RBFOX1: variants seen among roughly 807,000 people sequenced by gnomAD.
RBFOX1 encodes RNA binding fox-1 homolog 1.
In RBFOX1, 8 loss-of-function variants were observed where a neutral mutation model predicts 57.7. The ratio of observed to expected loss-of-function variants is 0.14; its 90% CI spans 0.08 to 0.25. The LOEUF (loss-of-function observed/expected upper bound fraction) is 0.25, where lower values mean the gene tolerates loss of function less well. RBFOX1 is among the 10% of genes least tolerant of loss of function. The pLI, the probability that RBFOX1 is intolerant of heterozygous loss-of-function variation, is 1.00. For synonymous variants in RBFOX1, 326 were observed against 222.4 expected, an observed-to-expected ratio of 1.47 and a Z score of -4.15; for missense variants, 611 against 548.5, an observed-to-expected ratio of 1.11 and a Z score of -1.14.
intron 2 of RBFOX1, among the ~76,000 whole-genome samples, chr16:5,508,378 C>G (rs1296292951): frequency 2.0e-5 from 3 of 152,196 alleles, no homozygotes; most frequent in Non-Finnish European, 4.4e-5. Context: ...CTTGTTGCAT[C>G]CCAGCTAGCA....
chr16:5,672,657 C>T (rs1439957120), intron 3 of RBFOX1, among the ~76,000 whole-genome samples: 2 of 152,162 alleles, frequency 1.3e-5, no homozygotes, highest in Non-Finnish European at 2.9e-5. Flanking sequence ...ACTCATCCAT[C>T]TCTGATTTTT....
intron 3 of RBFOX1, among the ~76,000 whole-genome samples, chr16:5,771,717 C>A (rs1376625281): frequency 6.6e-6 from 1 of 152,178 alleles, no homozygotes; most frequent in Non-Finnish European, 1.5e-5. Flanking sequence ...CCAAAAGCAT[C>A]TCATTTTGGT....
At chr16:7,502,144 C>T (rs1324654128) in intron 4 of RBFOX1, among the ~76,000 whole-genome samples, 1 of 151,990 alleles carries the variant, frequency 6.6e-6, no homozygotes, top group Non-Finnish European at 1.5e-5. Flanking sequence ...TTATGCAACA[C>T]ACAATGAAAG....
intron 2 of RBFOX1, among the ~76,000 whole-genome samples, chr16:6,321,302 G>T (rs1344121377): frequency 6.6e-6 from 1 of 152,092 alleles, no homozygotes; most frequent in African/African-American, 2.4e-5. Flanking sequence ...TGTTGTATGG[G>T]ATGGCTTTAG....
intron 3 of RBFOX1, among the ~76,000 whole-genome samples, chr16:6,982,993 TAAAAAAAAAAAAAAA>T (rs370173635): frequency 1.6e-4 from 13 of 79,360 alleles, no homozygotes; most frequent in African/African-American, 6.0e-4. Flanking sequence ...AGACTCTGTC[TAAAAAAAAAAAAAAA>T]AAAAAAAAAG....
In RBFOX1 at chr16:7,052,247, G is replaced by T. The variant is rs548009375; in HGVS notation, c.27+149G>T. 3.9e-6 allele frequency: 5 copies of T among 1,274,384 alleles called. No homozygotes were observed. In the African/African-American group the frequency reaches 6.0e-5, roughly 15 times the overall value. The allele number at this position is 1,274,384 out of a possible 1,614,324, so 78.9% of individuals were successfully genotyped here. A position where few individuals can be genotyped will look rare whatever the true frequency, so the allele number is the denominator to read the frequency against. On this transcript the variant is annotated intron_variant, in intron 4 of 15. Transcript: ENST00000550418. ...GAAAATATTTATCCCAGCTTATTTA[G>T]TATTGATTGAGCTGTTAAATACAGT...
chr16:5,246,796 G>T (rs2062312282), intron 1 of RBFOX1, among the ~76,000 whole-genome samples: 1 of 151,598 alleles, frequency 6.6e-6, no homozygotes, highest in Non-Finnish European at 1.5e-5. Context: ...TCAGCCTCCT[G>T]AGTATCTGGG....
rs2095321103 is a variant in RBFOX1 at position 6,033,586 on chromosome 16, C to T, written c.-127+13594C>T. Among the ~76,000 whole-genome samples, 3 of 152,206 alleles carry T rather than the reference C, an allele frequency of 2.0e-5. No homozygotes were observed. In the South Asian group the frequency reaches 6.2e-4, roughly 31 times the overall value. ...ATACCTTTTAAGGATTATTCCCTCT[C>T]ATTGTGTGTGTGTGTGTGCACACGC... On this transcript the variant is annotated intron_variant, in intron 1 of 15. Transcript: ENST00000550418.
intron 4 of RBFOX1, among the ~76,000 whole-genome samples, chr16:7,170,710 C>G (rs1004555218): frequency 2.0e-5 from 3 of 152,252 alleles, no homozygotes; most frequent in South Asian, 2.1e-4. Context: ...CTGCTGTATC[C>G]TCACATACAG....
At chr16:6,395,457 C>A (rs1158143933) in intron 2 of RBFOX1, among the ~76,000 whole-genome samples, 1 of 152,038 alleles carries the variant, frequency 6.6e-6, no homozygotes, top group East Asian at 1.9e-4. Flanking sequence ...TAACTTTCTA[C>A]CTTGTGACTA....
At chr16:6,077,726 T>TCATTTATG (rs1312591839) in intron 1 of RBFOX1, among the ~76,000 whole-genome samples, 1 of 151,756 alleles carries the variant, frequency 6.6e-6, no homozygotes, top group Non-Finnish European at 1.5e-5. Context: ...ATGTATTTAT[T>TCATTTATG]TATTTTTTGA....
chr16:6,297,768 AG>A, intron 1 of RBFOX1, among the ~76,000 whole-genome samples: 2 of 152,288 alleles, frequency 1.3e-5, no homozygotes, highest in East Asian at 3.9e-4. Context: ...ATGGCATGGC[AG>A]AAAGAAGAGA....
intron 2 of RBFOX1, among the ~76,000 whole-genome samples, chr16:5,557,698 G>A (rs1471336533): frequency 6.6e-6 from 1 of 152,216 alleles, no homozygotes; most frequent in African/African-American, 2.4e-5. Context: ...GTGCAGACAG[G>A]GAACAGGGAA....
intron 3 of RBFOX1, among the ~76,000 whole-genome samples, chr16:6,668,901 C>G (rs1374198024): frequency 6.6e-6 from 1 of 152,138 alleles, no homozygotes; most frequent in Admixed American, 6.5e-5. Context: ...AAGCACAGAG[C>G]TATTTTTCAA....
intron 4 of RBFOX1, among the ~76,000 whole-genome samples, chr16:7,291,817 C>A (rs796450943): frequency 1.1e-4 from 17 of 150,818 alleles, no homozygotes; most frequent in African/African-American, 4.1e-4. Flanking sequence ...GGCTTTCAAT[C>A]ATTACTGCAA....
chr16:7,558,140 A>G (rs529040723), intron 5 of RBFOX1, among the ~76,000 whole-genome samples: 74 of 152,156 alleles, frequency 4.9e-4, no homozygotes, highest in African/African-American at 1.7e-3. Flanking sequence ...GATCACTGGA[A>G]CCCAGGAGTT....
At chr16:6,057,825 GTTTTTTTTTTTTT>G (rs34335596) in intron 1 of RBFOX1, among the ~76,000 whole-genome samples, 1 of 81,124 alleles carries the variant, frequency 1.2e-5, no homozygotes, top group Non-Finnish European at 2.2e-5. Context: ...TTTGCTATGG[GTTTTTTTTTTTTT>G]TTTTTTTTTT....
At chr16:6,390,383 A>T (rs1405514358) in intron 2 of RBFOX1, among the ~76,000 whole-genome samples, 8 of 152,092 alleles carry the variant, frequency 5.3e-5, no homozygotes, top group Non-Finnish European at 2.9e-5. Flanking sequence ...GCAGGTACCT[A>T]GTGTTTTACT....
chr16:7,302,054 C>A (rs1345998739), intron 4 of RBFOX1, among the ~76,000 whole-genome samples: 2 of 152,094 alleles, frequency 1.3e-5, no homozygotes, highest in Non-Finnish European at 2.9e-5. Flanking sequence ...CTGCCAGCAC[C>A]CCCCAATAAA....
Sources: allele counts gnomAD v4.1 joint callset (sites outside exome capture counted in the v4.1 genomes callset), GRCh38; gene constraint gnomAD v4.1.1; transcripts MANE v1.5; gene names NCBI Gene and HGNC (gene_info 2026-07-23, HGNC 2026-07-21).